Variants in RNLS observed in about 807,000 individuals in gnomAD.
The protein encoded by RNLS is renalase.
RNLS carries 39 observed loss-of-function variants against 39.8 expected under a neutral mutation model. That is an observed-to-expected ratio of 0.98 (90% CI 0.76 to 1.28). RNLS has a LOEUF of 1.28. Among genes scored for constraint, RNLS ranks in the 50% most tolerant of loss-of-function variants. The pLI is 0.00. For synonymous variants in RNLS, 147 were observed against 150.7 expected, an observed-to-expected ratio of 0.98 and a Z score of 0.18; for missense variants, 410 against 413.3, an observed-to-expected ratio of 0.99 and a Z score of 0.07.
chr10:88,582,480 AAC>A (rs1339422002), intron 1 of RNLS, among the ~76,000 whole-genome samples, 173 bp from the exon 2 acceptor site: 3 of 152,266 alleles, frequency 2.0e-5, no homozygotes, highest in Non-Finnish European at 4.4e-5. Flanking sequence ...TGAACAATGT[AAC>A]AGTGTCCAGC....
the RNLS span, among the ~76,000 whole-genome samples, chr10:88,264,758 T>G: frequency 1.3e-5 from 2 of 152,242 alleles, no homozygotes; most frequent in African/African-American, 4.8e-5. Context: ...ATGTACAGAT[T>G]GTGAAAATTT....
chr10:88,271,520 G>A (rs1009066149), downstream of RNLS, among the ~76,000 whole-genome samples: 3 of 152,072 alleles, frequency 2.0e-5, no homozygotes, highest in African/African-American at 4.8e-5. Flanking sequence ...TTAGCCTTTG[G>A]ATTTTTCTTC....
intron 5 of RNLS, among the ~76,000 whole-genome samples, chr10:88,361,392 A>G (rs1353033252): frequency 6.6e-6 from 1 of 152,190 alleles, no homozygotes; most frequent in Non-Finnish European, 1.5e-5. Context: ...ATACACCCTG[A>G]CAGATATCAT....
At chr10:88,302,883 TG>T (rs1226333114) in intron 6 of RNLS, among the ~76,000 whole-genome samples, 1 of 152,112 alleles carries the variant, frequency 6.6e-6, no homozygotes, top group African/African-American at 2.4e-5. Flanking sequence ...GGAGGCAAGA[TG>T]GCTGACTAGA....
At chr10:88,501,355 C>T (rs143022207) in intron 4 of RNLS, among the ~76,000 whole-genome samples, 1 of 152,214 alleles carries the variant, frequency 6.6e-6, no homozygotes, top group East Asian at 1.9e-4. Flanking sequence ...AAATATTTCA[C>T]ATTAGACATT....
intron 4 of RNLS, among the ~76,000 whole-genome samples, chr10:88,446,772 C>G (rs1049832106): frequency 1.3e-5 from 2 of 152,144 alleles, no homozygotes; most frequent in African/African-American, 2.4e-5. Flanking sequence ...CAATAAGATA[C>G]TGGCAAACTG....
intron 4 of RNLS, among the ~76,000 whole-genome samples, chr10:88,546,872 G>C (rs1404409445): frequency 6.7e-6 from 1 of 149,012 alleles, no homozygotes; most frequent in African/African-American, 2.5e-5. Flanking sequence ...GCCAGACGTT[G>C]CAAGTCCAAA....
chr10:88,433,473 C>G (rs1222756776), intron 4 of RNLS, among the ~76,000 whole-genome samples: 5 of 152,012 alleles, frequency 3.3e-5, no homozygotes, highest in South Asian at 2.1e-4. Context: ...ATCGAATTAT[C>G]ATAATTTAGA....
intron 4 of RNLS, among the ~76,000 whole-genome samples, chr10:88,558,389 A>G (rs1426387570): frequency 6.6e-6 from 1 of 152,192 alleles, no homozygotes; most frequent in Admixed American, 6.6e-5. Flanking sequence ...AGTGCTTAAC[A>G]TAAGTATTCA....
At chr10:88,537,538 A>C (rs1266501657) in intron 4 of RNLS, among the ~76,000 whole-genome samples, 5 of 152,212 alleles carry the variant, frequency 3.3e-5, no homozygotes, top group Admixed American at 6.5e-5. Flanking sequence ...AACCATTTCT[A>C]ACTACGTGTA....
At chr10:88,503,706 G>A (rs767371739) in intron 4 of RNLS, among the ~76,000 whole-genome samples, 9 of 152,116 alleles carry the variant, frequency 5.9e-5, no homozygotes, top group Non-Finnish European at 1.2e-4. Flanking sequence ...AAGACAATGT[G>A]GTAGTTTTCA....
chr10:88,491,309 C>T (rs955445860), intron 4 of RNLS, among the ~76,000 whole-genome samples: 3 of 152,140 alleles, frequency 2.0e-5, no homozygotes, highest in Admixed American at 6.6e-5. Flanking sequence ...CACATTATTT[C>T]GGGATAAGAG....
rs377568971 is a variant in RNLS at position 88,451,098 on chromosome 10, G to A, written c.527-88373C>T. 1.2e-4 allele frequency among the ~76,000 whole-genome samples: 19 copies of A among 152,316 alleles called. 1 individual carries two copies. Among genetic ancestry groups the A allele is most frequent in the African/African-American group, 3.8e-4 (16 of 41,574 alleles). Reference sequence around the variant, plus strand: ...AGGTGAGATGCAAGTGTCAGATTACGAAGGTCCTTGGGTGCAAAGATGAGG... The same window carrying A: ...AGGTGAGATGCAAGTGTCAGATTACAAAGGTCCTTGGGTGCAAAGATGAGG... On this transcript the variant is annotated intron_variant, in intron 4 of 6. Coordinates refer to ENST00000331772, the MANE Select transcript of RNLS (RefSeq NM_001031709.3).
chr10:88,228,597 C>T, the RNLS span, among the ~76,000 whole-genome samples: 3 of 152,358 alleles, frequency 2.0e-5, no homozygotes, highest in African/African-American at 7.2e-5. Flanking sequence ...GCCACTACTT[C>T]TTCGGTGTCC....
At chr10:88,569,237 G>T (rs537467290) in intron 4 of RNLS, among the ~76,000 whole-genome samples, 1 of 152,180 alleles carries the variant, frequency 6.6e-6, no homozygotes, top group African/African-American at 2.4e-5. Context: ...ATTGTTCACA[G>T]ACCTGAAAAG....
At chr10:88,321,608 G>C (rs979241921) in intron 5 of RNLS, among the ~76,000 whole-genome samples, 4 of 151,916 alleles carry the variant, frequency 2.6e-5, no homozygotes, top group Admixed American at 2.6e-4. Context: ...AAAATGACAA[G>C]GGTGACATTA....
At chr10:88,326,625 A>G (rs1485284798) in intron 5 of RNLS, among the ~76,000 whole-genome samples, 1 of 152,246 alleles carries the variant, frequency 6.6e-6, no homozygotes, top group Non-Finnish European at 1.5e-5. Context: ...AGAGCATAAA[A>G]GTGGAAAATT....
At chr10:88,499,656 TAACCA>T (rs1203884413) in intron 4 of RNLS, among the ~76,000 whole-genome samples, 1 of 152,096 alleles carries the variant, frequency 6.6e-6, no homozygotes, top group African/African-American at 2.4e-5. Flanking sequence ...ATCCCCACAG[TAACCA>T]GATCGAAGTG....
chr10:88,244,700 T>TC, the RNLS span, among the ~76,000 whole-genome samples: 1 of 151,564 alleles, frequency 6.6e-6, no homozygotes, highest in Non-Finnish European at 1.5e-5. Context: ...GCTTTTTTTT[T>TC]TTTCTTTCTT....
Sources: allele counts gnomAD v4.1 joint callset (sites outside exome capture counted in the v4.1 genomes callset), GRCh38; gene constraint gnomAD v4.1.1; transcripts MANE v1.5; gene names NCBI Gene and HGNC (gene_info 2026-07-23, HGNC 2026-07-21).